CHD1: variants seen among roughly 807,000 people sequenced by gnomAD.
CHD1 encodes chromodomain helicase DNA binding protein 1, also known as ATP-dependent chromatin remodeler CHD1.
In CHD1, 36 loss-of-function variants were observed where a neutral mutation model predicts 224.2. The ratio of observed to expected loss-of-function variants is 0.16; its 90% confidence interval spans 0.12 to 0.21. CHD1 has a LOEUF of 0.21. Among genes scored for constraint, CHD1 ranks in the 10% least tolerant of loss-of-function variants. The pLI is 1.00. For synonymous variants in CHD1, 668 were observed against 658.3 expected (o/e 1.01, Z -0.23); for missense variants, 1,378 against 1,994.8 (o/e 0.69, Z 5.89).
intron 15 of CHD1, among the ~76,000 whole-genome samples, chr5:98,890,935 T>C (rs1247989216): frequency 6.6e-6 from 1 of 152,186 alleles, no homozygotes; most frequent in Non-Finnish European, 1.5e-5. Flanking sequence ...TATGAACCTA[T>C]CTCAATCCCA....
Position 98,904,949 on chromosome 5 carries a change from G to C in CHD1, c.203C>G (p.Thr68Ser). Residue 68 changes from threonine (T) to serine (S), a missense_variant, in exon 3 of 36, where the codon ACT (threonine) becomes AGT (serine). By Grantham distance (58) the Thr-to-Ser change is moderately conservative. Coordinates refer to ENST00000614616, the MANE Select transcript of CHD1 (RefSeq NM_001270.4). ...TGCTTGAACTTTGTTTTCTCGGGAA[G>C]TGTCTGACTCAGACTCTGACTGACT... ...SGSQSESESD[T>S]SRENKVQAKP... 1 of 1,613,590 alleles carries C rather than the reference G, an allele frequency of 6.2e-7. No homozygotes were observed. Among genetic ancestry groups the C allele is most frequent in the Non-Finnish European group, 8.5e-7 (1 of 1,179,524 alleles).
At chr5:98,925,036 T>G (rs1290727065) in intron 2 of CHD1, among the ~76,000 whole-genome samples, 1 of 152,058 alleles carries the variant, frequency 6.6e-6, no homozygotes, top group African/African-American at 2.4e-5. Flanking sequence ...ATACCACTAT[T>G]TAGTTTTCTA....
At chr5:98,884,163 T>G (rs1201823185) in intron 18 of CHD1, among the ~76,000 whole-genome samples, 1 of 150,312 alleles carries the variant, frequency 6.7e-6, no homozygotes, top group African/African-American at 2.5e-5. Flanking sequence ...AAGCTCCGCC[T>G]CCCGGGTTCA....
intron 2 of CHD1, 123 bp downstream of exon 2, chr5:98,926,211 G>T: frequency 3.4e-6 from 2 of 595,608 alleles, no homozygotes; most frequent in African/African-American, 2.0e-5. Flanking sequence ...GGATAGCTAA[G>T]AGGAAAACCT....
chr5:98,878,814 G>T (rs1180852473), intron 23 of CHD1, among the ~76,000 whole-genome samples: 2 of 152,050 alleles, frequency 1.3e-5, no homozygotes, highest in Non-Finnish European at 2.9e-5. Context: ...TTAAATTAAG[G>T]AAAATATAAA....
chr5:98,890,798 G>A (rs1750966798), intron 15 of CHD1, among the ~76,000 whole-genome samples: 1 of 152,066 alleles, frequency 6.6e-6, no homozygotes, highest in Admixed American at 6.6e-5. Flanking sequence ...CTATTTTAGA[G>A]GGAAGTACTA....
chr5:98,896,085 G>A (rs1751327869), intron 12 of CHD1, 141 bp downstream of exon 12: 4 of 658,372 alleles, frequency 6.1e-6, no homozygotes, highest in Non-Finnish European at 1.1e-5. Context: ...TGCTCCTGTG[G>A]TCCCAGTTGC....
At chr5:98,911,010 C>A (rs1459739866) in intron 2 of CHD1, among the ~76,000 whole-genome samples, 2 of 150,946 alleles carry the variant, frequency 1.3e-5, no homozygotes, top group Admixed American at 6.6e-5. Context: ...GCACCTAGAT[C>A]CTGACTTCTA....
chr5:98,906,147 A>T (rs574003964), intron 2 of CHD1, among the ~76,000 whole-genome samples: 2 of 152,298 alleles, frequency 1.3e-5, no homozygotes, highest in African/African-American at 4.8e-5. Flanking sequence ...GAGAAATAAA[A>T]GTTTGCAGGA....
chr5:98,900,873 G>A lies in CHD1; in HGVS notation c.797C>T (p.Pro266Leu), dbSNP rs775074920. Reference protein sequence around the residue: ...LEVCGEDVPQPEEEEFETIER... With the variant: ...LEVCGEDVPQLEEEEFETIER... ...TATGGTTTCAAATTCCTCTTCCTCA[G>A]GTTGAGGAACATCCTCTCCACAGAC... Residue 266 changes from proline to leucine, a missense_variant, in exon 7 of 36, where the codon CCT (proline) becomes CTT (leucine). Coordinates refer to ENST00000614616, the MANE Select transcript of CHD1 (RefSeq NM_001270.4). The A allele has an allele frequency of 6.2e-7, 1 of 1,612,718 alleles. No individual in the cohort carries two copies. Among genetic ancestry groups the A allele is most frequent in the Non-Finnish European group, 8.5e-7 (1 of 1,178,780 alleles).
intron 28 of CHD1, among the ~76,000 whole-genome samples, chr5:98,871,807 C>T (rs1274290406): frequency 2.0e-5 from 3 of 152,010 alleles, no homozygotes; most frequent in Admixed American, 6.5e-5. Context: ...CTTTTAACCT[C>T]GTAATTTGAA....
intron 12 of CHD1, among the ~76,000 whole-genome samples, chr5:98,895,653 T>G (rs898219812): frequency 3.3e-5 from 5 of 149,974 alleles, no homozygotes; most frequent in African/African-American, 1.2e-4. Context: ...CTTGGAAGGG[T>G]GAGGCAGAAG....
chr5:98,905,550 A>G (rs185095726), intron 2 of CHD1, among the ~76,000 whole-genome samples: 4 of 152,316 alleles, frequency 2.6e-5, no homozygotes, highest in Non-Finnish European at 5.9e-5. Flanking sequence ...AGTAACAGGC[A>G]GAAATTTATT....
rs201255816 is a variant in CHD1, at chr5:98,888,216, A to G, written c.2368T>C (p.Leu790=). 3.1e-6 allele frequency: 5 copies of G among 1,608,592 alleles called. No homozygotes were observed. Among genetic ancestry groups the G allele is most frequent in the Non-Finnish European group, 4.2e-6 (5 of 1,177,714 alleles). The change falls in exon 17 of 36, where the codon TTG becomes CTG. Residue 790 remains leucine (L), a synonymous_variant. Transcript: ENST00000614616. ...LQHLIRSSGK[L]ILLDKLLIRL... ...ATTAATAGCTTGTCAAGAAGAATCA[A>G]TTTTCCGCTACTACGAATTAAGTGC...
At chr5:98,869,326 C>A (rs161740) in intron 30 of CHD1, 260,000 of 944,604 alleles carry the variant, frequency 0.28, 36,839 homozygotes, top group African/African-American at 0.36. Flanking sequence ...ATTTTAACAA[C>A]GACTAATTTT....
At chr5:98,894,996 T>C (rs1486464685) in intron 12 of CHD1, among the ~76,000 whole-genome samples, 1 of 152,010 alleles carries the variant, frequency 6.6e-6, no homozygotes, top group Non-Finnish European at 1.5e-5. Context: ...TAATTTTGTA[T>C]TTTTAGTAGA....
intron 18 of CHD1, among the ~76,000 whole-genome samples, chr5:98,884,514 G>C (rs1269139424): frequency 2.0e-5 from 3 of 152,060 alleles, no homozygotes; most frequent in Admixed American, 2.0e-4. Flanking sequence ...AGAGGGAAAG[G>C]GTAGGAGGGG....
intron 32 of CHD1, among the ~76,000 whole-genome samples, chr5:98,862,463 C>G (rs1748553944): frequency 6.6e-6 from 1 of 152,154 alleles, no homozygotes; most frequent in African/African-American, 2.4e-5. Flanking sequence ...TCTCTTCTTC[C>G]AAAGGTTTCC....
chr5:98,899,732 C>A, intron 7 of CHD1, 27 bp from the exon 8 acceptor site: 1 of 1,487,842 alleles, frequency 6.7e-7, no homozygotes, highest in South Asian at 1.2e-5. Context: ...AAGATCCTTC[C>A]ATGTAATTAA....
Sources: allele counts gnomAD v4.1 joint callset (sites outside exome capture counted in the v4.1 genomes callset), GRCh38; gene constraint gnomAD v4.1.1; transcripts MANE v1.5; gene names NCBI Gene and HGNC (gene_info 2026-07-23, HGNC 2026-07-21).